TIMM23B: variants seen among roughly 807,000 people sequenced by gnomAD.
TIMM23B encodes translocase of inner mitochondrial membrane 23 homolog B.
TIMM23B carries 27 observed loss-of-function variants against 27.3 expected under a neutral mutation model. The ratio of observed to expected loss-of-function variants is 0.99; its 90% CI spans 0.73 to 1.36. The LOEUF is 1.36. TIMM23B is among the 40% of genes most tolerant of loss of function. The pLI is 0.00. For missense variants in TIMM23B, 205 were observed against 244.2 expected, an observed-to-expected ratio of 0.84 and a Z score of 1.07; for synonymous variants, 73 against 92.4, an observed-to-expected ratio of 0.79 and a Z score of 1.21.
chr10:49,946,740 A>G (rs1839366427), intron 2 of TIMM23B, among the ~76,000 whole-genome samples: 1 of 149,718 alleles, frequency 6.7e-6, no homozygotes, highest in Non-Finnish European at 1.5e-5. Context: ...TGCTCACCAA[A>G]TTAACCAACA....
intron 6 of TIMM23B, among the ~76,000 whole-genome samples, chr10:49,965,835 TA>T (rs1185571579): frequency 7.2e-6 from 1 of 138,348 alleles, no homozygotes; most frequent in Non-Finnish European, 1.6e-5. Context: ...TGAAATGAAA[TA>T]AATGAAACTA....
chr10:49,952,065 A>G, intron 2 of TIMM23B, 61 bp from the exon 3 acceptor site: 2 of 1,278,594 alleles, frequency 1.6e-6, no homozygotes, highest in Admixed American at 2.0e-5. Flanking sequence ...TTAAAAAGGC[A>G]ACTTTACAAG....
intron 6 of TIMM23B, among the ~76,000 whole-genome samples, chr10:49,965,412 AAAATG>A (rs1200429167): frequency 5.3e-5 from 8 of 151,724 alleles, no homozygotes; most frequent in South Asian, 2.1e-4. Flanking sequence ...ATGAAATTGA[AAAATG>A]AAATGAAATA....
chr10:49,944,797 A>G (rs1839304445), intron 1 of TIMM23B, among the ~76,000 whole-genome samples: 1 of 152,228 alleles, frequency 6.6e-6, no homozygotes, highest in Non-Finnish European at 1.5e-5. Context: ...CACTGCGATT[A>G]TCTTATTGGT....
At position 49,948,090 on chromosome 10, in the gene TIMM23B, C is replaced by T. The variant is rs1319681307; in HGVS notation, c.165+3000C>T. Among the ~76,000 whole-genome samples, 42 of 152,238 alleles carry T rather than the reference C, an allele frequency of 2.8e-4. No individual in the cohort carries two copies. In the South Asian group the frequency reaches 8.5e-3, roughly 31 times the overall value. On this transcript the variant is annotated intron_variant, in intron 2 of 6. Transcript: ENST00000651259. Reference sequence around the variant, plus strand: ...GGGCAAAGGATTTGAGTAGACATTTCTCTATGAAGATATACAGATGTCTAA... The same window carrying T: ...GGGCAAAGGATTTGAGTAGACATTTTTCTATGAAGATATACAGATGTCTAA...
chr10:49,944,918 C>A (rs1454970170), intron 1 of TIMM23B, 114 bp from the exon 2 acceptor site: 1 of 1,386,456 alleles, frequency 7.2e-7, no homozygotes, highest in Non-Finnish European at 1.0e-6. Context: ...AATTTTCTGC[C>A]TTCAGTGAGC....
chr10:49,954,733 CT>C (rs1460675248), intron 4 of TIMM23B, among the ~76,000 whole-genome samples: 6 of 145,036 alleles, frequency 4.1e-5, no homozygotes, highest in Admixed American at 3.5e-4. Context: ...AAGAGTTTTC[CT>C]TATTATTATT....
At chr10:49,949,243 A>G (rs1440086464) in intron 2 of TIMM23B, among the ~76,000 whole-genome samples, 1 of 72,232 alleles carries the variant, frequency 1.4e-5, no homozygotes, top group African/African-American at 5.5e-5. Flanking sequence ...GGAACCTTTT[A>G]TTTCAGAGTT....
At chr10:49,971,054 G>C (rs1184825658) in intron 6 of TIMM23B, among the ~76,000 whole-genome samples, 13 of 152,308 alleles carry the variant, frequency 8.5e-5, no homozygotes, top group African/African-American at 2.9e-4. Flanking sequence ...TCTGAAACAT[G>C]TGCTGTGTCC....
chr10:49,961,943 GTTT>G (rs1235775534), intron 6 of TIMM23B, among the ~76,000 whole-genome samples: 1 of 149,116 alleles, frequency 6.7e-6, no homozygotes, highest in Non-Finnish European at 1.5e-5. Context: ...TTTTAGGAGA[GTTT>G]TTTTGCCACT....
At chr10:49,944,222 G>A (rs1839284059) in intron 1 of TIMM23B, among the ~76,000 whole-genome samples, 1 of 152,132 alleles carries the variant, frequency 6.6e-6, no homozygotes. Context: ...GAATTGAAGG[G>A]GTAAGAGAAA....
chr10:49,957,652 G>T (rs879471473), intron 5 of TIMM23B, among the ~76,000 whole-genome samples: 1 of 152,042 alleles, frequency 6.6e-6, no homozygotes, highest in South Asian at 2.1e-4. Context: ...CATTTCACTG[G>T]AGTTGGGGTG....
intron 1 of TIMM23B, among the ~76,000 whole-genome samples, chr10:49,944,658 A>G (rs1430798648): frequency 6.6e-6 from 1 of 152,206 alleles, no homozygotes; most frequent in Non-Finnish European, 1.5e-5. Flanking sequence ...CATGGAATTG[A>G]TTAGTCTTTT....
At chr10:49,958,864 CTT>C (rs1437915453) in intron 6 of TIMM23B, among the ~76,000 whole-genome samples, 1 of 152,110 alleles carries the variant, frequency 6.6e-6, no homozygotes, top group African/African-American at 2.4e-5. Context: ...AATATTTGTC[CTT>C]TTTTGATTGG....
intron 4 of TIMM23B, among the ~76,000 whole-genome samples, chr10:49,953,476 G>T (rs1487409361): frequency 3.3e-5 from 5 of 152,148 alleles, no homozygotes; most frequent in Non-Finnish European, 4.4e-5. Context: ...CTCCCGAGTA[G>T]CTGGGACTAC....
At chr10:49,943,254 C>T (rs1323092503) in intron 1 of TIMM23B, 4 of 151,742 alleles carry the variant, frequency 2.6e-5, no homozygotes, top group South Asian at 2.1e-4. Context: ...CTCGTTCTGT[C>T]ACCCATGTTG....
chr10:49,949,174 A>G (rs1839442998), intron 2 of TIMM23B, among the ~76,000 whole-genome samples: 2 of 144,020 alleles, frequency 1.4e-5, no homozygotes, highest in Admixed American at 1.4e-4. Context: ...CTGGAATTAC[A>G]GGCATGAGCC....
chr10:49,945,709 A>G (rs2133048703), intron 2 of TIMM23B, among the ~76,000 whole-genome samples: 1 of 152,320 alleles, frequency 6.6e-6, no homozygotes, highest in East Asian at 1.9e-4. Flanking sequence ...TCCAAGATAT[A>G]TTAGCAAATA....
At chr10:49,947,284 AT>A (rs1258026591) in intron 2 of TIMM23B, among the ~76,000 whole-genome samples, 1 of 152,218 alleles carries the variant, frequency 6.6e-6, no homozygotes. Context: ...TTTAATCAGA[AT>A]TTTAAAATTT....
Sources: gnomAD v4.1 joint callset for allele counts (sites outside exome capture counted in the v4.1 genomes callset) on GRCh38, gnomAD v4.1.1 for gene constraint, MANE v1.5 for transcripts, NCBI Gene and HGNC (gene_info 2026-07-23, HGNC 2026-07-21) for gene names.